The following PDXDC1 variants were observed in gnomAD, a reference collection of about 807,000 sequenced individuals.
The protein encoded by PDXDC1 is pyridoxal dependent decarboxylase domain containing 1, also known as pyridoxal-dependent decarboxylase domain-containing protein 1.
Under a neutral mutation model 100.1 loss-of-function variants are expected in PDXDC1, and 42 were observed. The ratio of observed to expected loss-of-function variants is 0.42; its 90% CI spans 0.33 to 0.54. The LOEUF (loss-of-function observed/expected upper bound fraction) is 0.54, where lower values mean the gene tolerates loss of function less well. Among genes scored for constraint, PDXDC1 ranks in the 20% least tolerant of loss-of-function variants. PDXDC1 has a pLI of 0.10. For missense variants in PDXDC1, 636 were observed against 979.2 expected (o/e 0.65, Z 4.68); for synonymous variants, 260 against 371.7 (o/e 0.70, Z 3.46).
intron 1 of PDXDC1, among the ~76,000 whole-genome samples, chr16:14,979,098 C>T (rs565568981): frequency 1.1e-3 from 171 of 152,346 alleles, no homozygotes; most frequent in African/African-American, 3.7e-3. Context: ...GGTTTGGTCA[C>T]CACTAGCCAT....
At chr16:14,983,373 C>G (rs544313265) in intron 1 of PDXDC1, among the ~76,000 whole-genome samples, 1 of 152,222 alleles carries the variant, frequency 6.6e-6, no homozygotes, top group African/African-American at 2.4e-5. Flanking sequence ...GAGATCGAGG[C>G]CATCATGGCT....
rs963867382 is a variant in PDXDC1, at chr16:15,115,024, C to T, written c.1400-23855C>T. 7.4e-5 allele frequency among the ~76,000 whole-genome samples: 11 copies of T among 148,618 alleles called. 1 individual carries two copies. The highest frequency in any genetic ancestry group is 2.7e-4 in the African/African-American group (11 of 40,258). The stretch of plus-strand genomic sequence containing the variant: ...AATCTCGGCTCGCTACAACCTCCAG[C>T]TCCTGGGCTCAAGCCATTCTCCTGC... On this transcript the variant is annotated intron_variant, in intron 16 of 16. Coordinates refer to the PDXDC1 transcript ENST00000535621.
chr16:15,136,044 G>A, intron 16 of PDXDC1: 21 of 1,561,360 alleles, frequency 1.3e-5, no homozygotes, highest in South Asian at 5.7e-5. Flanking sequence ...AGTTCTGGCA[G>A]CTCTCCAGGC....
At chr16:15,039,518 C>T (rs746320099), downstream of PDXDC1, among the ~76,000 whole-genome samples, 11 of 152,150 alleles carry the variant, frequency 7.2e-5, no homozygotes, top group Admixed American at 7.2e-4. Context: ...CTAAGGGAAT[C>T]AGACTTTAAA....
chr16:15,104,714 G>A, intron 16 of PDXDC1: 2 of 1,597,476 alleles, frequency 1.3e-6, no homozygotes, highest in Non-Finnish European at 1.7e-6. Flanking sequence ...AGGGCCAGCA[G>A]GGCAATCCTG....
intron 13 of PDXDC1, chr16:15,025,292 T>C (rs1251468249): frequency 6.6e-6 from 1 of 152,408 alleles, no homozygotes; most frequent in Admixed American, 6.5e-5. Context: ...TTCATAGCAG[T>C]CTTGGCACTC....
chr16:15,141,070 G>A (rs180753150), downstream of PDXDC1, among the ~76,000 whole-genome samples: 627 of 143,316 alleles, frequency 4.4e-3, 4 homozygotes, highest in African/African-American at 0.015. Flanking sequence ...CTGAGCACCC[G>A]CCCAGCCCCT....
At position 14,975,045 on chromosome 16, in the gene PDXDC1, G is replaced by C. The variant is rs572670542; in HGVS notation, c.-155G>C. On this transcript the variant is annotated 5_prime_UTR_variant, in exon 1 of 23. Transcript: ENST00000396410. Reference sequence around the variant, plus strand: ...CGCCGCCTCTCAACCATCAGGTTCGGCAGCCCGCGGCGCCGCCTGGCAGCT... The same window carrying C: ...CGCCGCCTCTCAACCATCAGGTTCGCCAGCCCGCGGCGCCGCCTGGCAGCT... 1.6e-3 allele frequency: 2,416 copies of C among 1,521,378 alleles called. No homozygotes were observed. In the East Asian group the frequency reaches 0.055, roughly 35 times the overall value. The allele number at this position is 1,521,378 out of a possible 1,614,324, so 94.2% of individuals were successfully genotyped here. A position where few individuals can be genotyped will look rare whatever the true frequency, so the allele number is the denominator to read the frequency against.
intron 16 of PDXDC1, among the ~76,000 whole-genome samples, chr16:15,085,928 C>T (rs2045900698): frequency 6.6e-6 from 1 of 152,048 alleles, no homozygotes; most frequent in South Asian, 2.1e-4. Flanking sequence ...TTCAATAAAG[C>T]AAATAAATTC....
At position 15,133,829 on chromosome 16, in the gene PDXDC1, G is replaced by A. The variant is rs561603749; in HGVS notation, c.1400-5050G>A. Reference sequence around the variant, plus strand: ...CGAAGTGCACCTTGGTGGTGAGGGCGTGCACAGCGCCCAGTGGGAAGAGGC... The same window carrying A: ...CGAAGTGCACCTTGGTGGTGAGGGCATGCACAGCGCCCAGTGGGAAGAGGC... On this transcript the variant is annotated intron_variant, in intron 16 of 16. Transcript: ENST00000535621. 113 of 1,582,280 alleles carry A rather than the reference G, an allele frequency of 7.1e-5. 1 individual carries two copies. Among genetic ancestry groups the A allele is most frequent in the Middle Eastern group, 6.8e-4 (3 of 4,398 alleles).
rs776539876 is a variant in PDXDC1 at position 15,036,312 on chromosome 16, T to A, written c.*37T>A. The A allele has an allele frequency of 4.5e-6, 7 of 1,552,318 alleles. No homozygotes were observed. Among genetic ancestry groups the A allele is most frequent in the Non-Finnish European group, 6.1e-6 (7 of 1,139,184 alleles). On this transcript the variant is annotated 3_prime_UTR_variant, in exon 23 of 23. Coordinates refer to ENST00000396410, the MANE Select transcript of PDXDC1 (RefSeq NM_015027.4). ...TGGTTTGAGACTGTACTGAGTATTG[T>A]TTCAGGGAAGATGAAGTTCTATTGG...
intron 16 of PDXDC1, chr16:15,135,881 T>C (rs1339359833): frequency 6.4e-7 from 1 of 1,568,956 alleles, no homozygotes; most frequent in Non-Finnish European, 8.7e-7. Context: ...CACAAAGCAG[T>C]AGTGCCCCAC....
At position 15,036,115 on chromosome 16, in the gene PDXDC1, C is replaced by G; in HGVS notation, c.2207C>G (p.Ser736Cys). 10 of 1,614,168 alleles carry G rather than the reference C, an allele frequency of 6.2e-6. No homozygotes were observed. Among genetic ancestry groups the G allele is most frequent in the Non-Finnish European group, 7.6e-6 (9 of 1,180,040 alleles). ...IEDLEKVERL[S>C]SGPEQITLEA... ...GACTTAGAAAAGGTGGAGCGCCTAT[C>G]CAGTGGGCCGGAGCAGATCACCCTC... Residue 736 changes from serine to cysteine, a missense_variant, in exon 23 of 23, where the codon TCC becomes TGC. By Grantham distance (112) the Ser-to-Cys change is moderately radical. Coordinates refer to ENST00000396410, the MANE Select transcript of PDXDC1 (RefSeq NM_015027.4).
chr16:15,027,756 C>A (rs1348896391), intron 14 of PDXDC1, among the ~76,000 whole-genome samples: 30 of 152,288 alleles, frequency 2.0e-4, no homozygotes, highest in Admixed American at 1.5e-3. Flanking sequence ...CTTTTTCCAC[C>A]AATGTGTTCC....
chr16:14,991,265 ATATGTGTGTGTGTGTG>A (rs1199021708), intron 1 of PDXDC1, among the ~76,000 whole-genome samples: 144 of 137,918 alleles, frequency 1.0e-3, no homozygotes, highest in African/African-American at 3.6e-3. Flanking sequence ...ATGTATATAG[ATATGTGTGTGTGTGTG>A]TGTGTGTGTG....
chr16:15,095,704 A>T (rs1205610671), intron 16 of PDXDC1, among the ~76,000 whole-genome samples: 1 of 152,036 alleles, frequency 6.6e-6, no homozygotes, highest in Non-Finnish European at 1.5e-5. Context: ...ATACAAAATT[A>T]GCCAGGCATG....
At position 14,975,035 on chromosome 16, in the gene PDXDC1, A is replaced by T. The variant is rs554183469; in HGVS notation, c.-165A>T. On this transcript the variant is annotated 5_prime_UTR_variant, in exon 1 of 23. Coordinates refer to ENST00000396410, the MANE Select transcript of PDXDC1 (RefSeq NM_015027.4). ...GGCCCCGCCCCGCCGCCTCTCAACC[A>T]TCAGGTTCGGCAGCCCGCGGCGCCG... 9 of 1,528,146 alleles carry T rather than the reference A, an allele frequency of 5.9e-6. No homozygotes were observed. In the East Asian group the frequency reaches 1.7e-4, roughly 29 times the overall value. The allele number at this position is 1,528,146 out of a possible 1,614,324, so 94.7% of individuals were successfully genotyped here. A position where few individuals can be genotyped will look rare whatever the true frequency, so the allele number is the denominator to read the frequency against.
intron 16 of PDXDC1, chr16:15,131,063 G>A (rs755509571): frequency 1.1e-5 from 18 of 1,595,784 alleles, no homozygotes; most frequent in Non-Finnish European, 1.5e-5. Flanking sequence ...AGGGGGCCGC[G>A]TGTGCCTCAC....
the PDXDC1 span, among the ~76,000 whole-genome samples, chr16:15,150,239 G>A: frequency 6.6e-6 from 1 of 152,020 alleles, no homozygotes; most frequent in Non-Finnish European, 1.5e-5. Context: ...TACTCAGGAG[G>A]CTGAGGCAGG....
Sources: gnomAD v4.1 joint callset for allele counts (sites outside exome capture counted in the v4.1 genomes callset) on GRCh38, gnomAD v4.1.1 for gene constraint, MANE v1.5 for transcripts, NCBI Gene and HGNC (gene_info 2026-07-23, HGNC 2026-07-21) for gene names.